ANKRD55: variants seen among roughly 807,000 people sequenced by gnomAD.
The protein encoded by ANKRD55 is ankyrin repeat domain-containing protein 55.
ANKRD55 carries 41 observed loss-of-function variants against 60.6 expected under a neutral mutation model. That is an observed-to-expected ratio of 0.68 (90% confidence interval 0.53 to 0.88). The LOEUF is 0.88. Ranked by LOEUF, ANKRD55 falls within the 40% of genes least tolerant of loss-of-function variation. ANKRD55 has a pLI of 0.00. For missense variants in ANKRD55, 732 were observed against 767.6 expected, an observed-to-expected ratio of 0.95 and a Z score of 0.55; for synonymous variants, 264 against 290.3, an observed-to-expected ratio of 0.91 and a Z score of 0.92.
intron 7 of ANKRD55, among the ~76,000 whole-genome samples, chr5:56,138,168 C>T (rs1279177812): frequency 6.9e-6 from 1 of 145,730 alleles, no homozygotes; most frequent in Admixed American, 7.1e-5. Flanking sequence ...TACCCTGTCA[C>T]CCAGGTTGGA....
chr5:56,137,756 G>T (rs1412738968), intron 7 of ANKRD55, among the ~76,000 whole-genome samples: 1 of 152,020 alleles, frequency 6.6e-6, no homozygotes, highest in Non-Finnish European at 1.5e-5. Flanking sequence ...CAACCTAGAA[G>T]AAAATATTTG....
chr5:56,230,368 C>T (rs1254924007), intron 2 of ANKRD55, among the ~76,000 whole-genome samples: 1 of 152,210 alleles, frequency 6.6e-6, no homozygotes, highest in East Asian at 1.9e-4. Flanking sequence ...ACTGGGATTA[C>T]AGGCGTGAGC....
chr5:56,143,536 A>G (rs542844519), intron 7 of ANKRD55, among the ~76,000 whole-genome samples: 11 of 152,194 alleles, frequency 7.2e-5, no homozygotes, highest in Non-Finnish European at 1.3e-4. Context: ...GGGACACAGT[A>G]AGCCGGTAGC....
intron 7 of ANKRD55, chr5:56,137,081 C>T (rs1276596604): frequency 3.4e-6 from 3 of 875,352 alleles, no homozygotes; most frequent in Non-Finnish European, 5.9e-6. Flanking sequence ...AATGCCCAGG[C>T]CATCAGGGTA....
chr5:56,161,023 G>T (rs998558856), intron 5 of ANKRD55: 1 of 152,218 alleles, frequency 6.6e-6, no homozygotes, highest in African/African-American at 2.4e-5. Flanking sequence ...AGCTCAGTGT[G>T]AGGATTAAAT....
intron 2 of ANKRD55, among the ~76,000 whole-genome samples, chr5:56,203,081 G>T (rs1759418149): frequency 6.6e-6 from 1 of 152,090 alleles, no homozygotes; most frequent in African/African-American, 2.4e-5. Context: ...GCTCAGATGG[G>T]CTTTCTCACC....
chr5:56,222,630 T>TA (rs199690661), intron 2 of ANKRD55, among the ~76,000 whole-genome samples: 54,402 of 152,012 alleles, frequency 0.36, 10,836 homozygotes, highest in East Asian at 0.84. Context: ...AATGGCTAAC[T>TA]GAATAAATAG....
At chr5:56,227,010 A>G (rs1339533120) in intron 2 of ANKRD55, among the ~76,000 whole-genome samples, 3 of 150,354 alleles carry the variant, frequency 2.0e-5, no homozygotes, top group Non-Finnish European at 4.4e-5. Context: ...AGGATTATAA[A>G]TCATGCTGAT....
chr5:56,123,380 A>G (rs558859564), intron 8 of ANKRD55, among the ~76,000 whole-genome samples: 2 of 152,286 alleles, frequency 1.3e-5, no homozygotes, highest in East Asian at 3.9e-4. Context: ...TCTTCTGTCA[A>G]TTAAACACCT....
At chr5:56,166,019 CTCAG>C (rs1205909803) in intron 5 of ANKRD55, among the ~76,000 whole-genome samples, 2 of 152,218 alleles carry the variant, frequency 1.3e-5, no homozygotes, top group African/African-American at 4.8e-5. Context: ...CAGATTTAAA[CTCAG>C]TCAGTCTGAC....
chr5:56,193,605 T>C, intron 2 of ANKRD55: 1 of 319,134 alleles, frequency 3.1e-6, no homozygotes, highest in South Asian at 4.3e-5. Flanking sequence ...CAAACAAAAA[T>C]GAAGGCACAA....
chr5:56,195,726 G>A (rs1759214361), intron 2 of ANKRD55, among the ~76,000 whole-genome samples: 2 of 152,202 alleles, frequency 1.3e-5, no homozygotes, highest in African/African-American at 4.8e-5. Flanking sequence ...TTACAGGTAT[G>A]AGCCACAGCG....
intron 3 of ANKRD55, among the ~76,000 whole-genome samples, chr5:56,178,158 C>A (rs944852807): frequency 6.6e-6 from 1 of 151,900 alleles, no homozygotes. Context: ...TTCTGAAATG[C>A]ATAACCAAAT....
rs930614378 is a variant in ANKRD55 at position 56,111,535 on chromosome 5, C to G, written c.1213G>C (p.Glu405Gln). The change falls in exon 10 of 12, where the codon GAA becomes CAA. Residue 405 changes from glutamate to glutamine, a missense_variant. Transcript: ENST00000341048. ...EQPGDQVAMV[E>Q]FKKKTSDNSK... is the part of the protein sequence containing the mutation. Reference sequence around the variant, plus strand: ...TTGTCTGAGGTTTTCTTCTTAAATTCAACCATAGCCACCTGATCACCAGGC... The same window carrying G: ...TTGTCTGAGGTTTTCTTCTTAAATTGAACCATAGCCACCTGATCACCAGGC... 1.9e-6 allele frequency: 3 copies of G among 1,613,810 alleles called. No homozygotes were observed. The African/African-American group carries it at 4.0e-5, about 22-fold the overall frequency.
intron 7 of ANKRD55, among the ~76,000 whole-genome samples, chr5:56,133,699 T>C (rs1291243948): frequency 8.8e-6 from 1 of 113,620 alleles, no homozygotes; most frequent in Admixed American, 8.6e-5. Context: ...TTAAACAATA[T>C]AAGTAACACA....
chr5:56,157,984 C>T (rs1758238079), intron 6 of ANKRD55, among the ~76,000 whole-genome samples: 1 of 152,124 alleles, frequency 6.6e-6, no homozygotes, highest in South Asian at 2.1e-4. Flanking sequence ...AGTTTGAGAC[C>T]AGCCTGCTCA....
At chr5:56,196,776 C>T (rs1424059714) in intron 2 of ANKRD55, among the ~76,000 whole-genome samples, 1 of 152,182 alleles carries the variant, frequency 6.6e-6, no homozygotes, top group Non-Finnish European at 1.5e-5. Context: ...TGTTAAAATG[C>T]TGATCTGCAG....
intron 6 of ANKRD55, among the ~76,000 whole-genome samples, chr5:56,154,107 G>A (rs1039425117): frequency 6.7e-5 from 10 of 148,952 alleles, no homozygotes; most frequent in Admixed American, 1.3e-4. Context: ...CAGCTACTTC[G>A]GAGGCTGAGG....
chr5:56,155,069 C>T (rs896908810), intron 6 of ANKRD55, among the ~76,000 whole-genome samples: 2 of 151,946 alleles, frequency 1.3e-5, no homozygotes, highest in Admixed American at 6.6e-5. Context: ...CCTGTCTCTA[C>T]CAAAAACAAA....
Sources: gnomAD v4.1 joint callset for allele counts (sites outside exome capture counted in the v4.1 genomes callset) on GRCh38, gnomAD v4.1.1 for gene constraint, MANE v1.5 for transcripts, NCBI Gene and HGNC (gene_info 2026-07-23, HGNC 2026-07-21) for gene names.